PRIM2: variants seen among roughly 807,000 people sequenced by gnomAD.
PRIM2 encodes DNA primase subunit 2.
Under a neutral mutation model 67.3 loss-of-function variants are expected in PRIM2, and 39 were observed. The ratio of observed to expected loss-of-function variants is 0.58; its 90% confidence interval spans 0.45 to 0.76. The LOEUF (loss-of-function observed/expected upper bound fraction) is 0.76. Among genes scored for constraint, PRIM2 ranks in the 30% least tolerant of loss-of-function variants. The probability of loss-of-function intolerance (pLI) is 0.00; values close to 1 mark genes in which losing one functional copy is unlikely to be tolerated. For missense variants in PRIM2, 398 were observed against 598.7 expected (o/e 0.66, Z 3.50); for synonymous variants, 143 against 198.7 (o/e 0.72, Z 2.36).
At chr6:57,280,782 C>G in the PRIM2 span, among the ~76,000 whole-genome samples, 1 of 152,296 alleles carries the variant, frequency 6.6e-6, no homozygotes, top group African/African-American at 2.4e-5. Flanking sequence ...GCTGGGATTA[C>G]AGGCGTGAGC....
intron 7 of PRIM2, among the ~76,000 whole-genome samples, chr6:57,454,946 C>G (rs1772709260): frequency 6.6e-6 from 1 of 152,142 alleles, no homozygotes; most frequent in Non-Finnish European, 1.5e-5. Flanking sequence ...TCCCTCTACA[C>G]AGTGCTTTGA....
At chr6:57,565,937 T>C (rs1775729741) in intron 10 of PRIM2, among the ~76,000 whole-genome samples, 3 of 152,240 alleles carry the variant, frequency 2.0e-5, no homozygotes, top group Admixed American at 6.5e-5. Flanking sequence ...GTTTTGTTTT[T>C]GTTTTTACAT....
At chr6:57,571,878 T>C (rs1775870206) in intron 10 of PRIM2, among the ~76,000 whole-genome samples, 1 of 152,202 alleles carries the variant, frequency 6.6e-6, no homozygotes, top group Non-Finnish European at 1.5e-5. Flanking sequence ...ACCTGAATTG[T>C]TTCAGTCATC....
chr6:57,425,909 G>T (rs1297608815), intron 7 of PRIM2, among the ~76,000 whole-genome samples: 2 of 152,010 alleles, frequency 1.3e-5, no homozygotes, highest in African/African-American at 2.4e-5. Context: ...TCAAATATAG[G>T]CCTGTTTATG....
At chr6:57,420,147 TTAA>T (rs1239818124) in intron 7 of PRIM2, among the ~76,000 whole-genome samples, 1 of 152,184 alleles carries the variant, frequency 6.6e-6, no homozygotes, top group African/African-American at 2.4e-5. Context: ...CCATTTTCTA[TTAA>T]TAATTAGTCC....
intron 10 of PRIM2, among the ~76,000 whole-genome samples, chr6:57,574,811 C>T (rs1775932756): frequency 6.6e-6 from 1 of 150,578 alleles, no homozygotes; most frequent in Non-Finnish European, 1.5e-5. Flanking sequence ...TACAGGGTAT[C>T]GTTTATTCAG....
At chr6:57,224,636 G>GAA in the PRIM2 span, among the ~76,000 whole-genome samples, 4 of 142,332 alleles carry the variant, frequency 2.8e-5, no homozygotes, top group African/African-American at 7.7e-5. Context: ...TTTTTAATGG[G>GAA]AAAAAAAAAA....
chr6:57,631,789 C>T (rs1417991663), intron 12 of PRIM2, among the ~76,000 whole-genome samples: 124 of 152,310 alleles, frequency 8.1e-4, no homozygotes, highest in Admixed American at 7.4e-3. Context: ...CTACAGTTTT[C>T]GGAGAGATGT....
intron 3 of PRIM2, among the ~76,000 whole-genome samples, chr6:57,322,038 A>G (rs1353702028): frequency 6.6e-6 from 1 of 152,206 alleles, no homozygotes; most frequent in Non-Finnish European, 1.5e-5. Flanking sequence ...AGACCAGAAC[A>G]ATGACAGTGG....
At chr6:57,456,120 C>A (rs1772769388) in intron 7 of PRIM2, among the ~76,000 whole-genome samples, 1 of 152,198 alleles carries the variant, frequency 6.6e-6, no homozygotes, top group South Asian at 2.1e-4. Flanking sequence ...GGCCCCCACT[C>A]TCTTTTGGCT....
At chr6:57,529,709 C>T (rs2127467376) in intron 8 of PRIM2, among the ~76,000 whole-genome samples, 1 of 152,006 alleles carries the variant, frequency 6.6e-6, no homozygotes, top group Non-Finnish European at 1.5e-5. Flanking sequence ...TTCTTCAAGC[C>T]CTATAGGTTG....
chr6:57,455,063 C>T (rs1356163394), intron 7 of PRIM2, among the ~76,000 whole-genome samples: 2 of 152,112 alleles, frequency 1.3e-5, no homozygotes, highest in Non-Finnish European at 2.9e-5. Flanking sequence ...CATTCAGGAG[C>T]AGGTTGTTCA....
chr6:57,523,619 A>G (rs1467216897), intron 8 of PRIM2, among the ~76,000 whole-genome samples: 1 of 152,190 alleles, frequency 6.6e-6, no homozygotes, highest in Non-Finnish European at 1.5e-5. Context: ...GCCCTGTGGC[A>G]TTTATGTCAC....
chr6:57,414,315 C>T (rs1771189264), intron 7 of PRIM2, among the ~76,000 whole-genome samples: 2 of 152,062 alleles, frequency 1.3e-5, no homozygotes, highest in African/African-American at 2.4e-5. Context: ...TCTTGGTATC[C>T]CTAATGCTTA....
At chr6:57,253,240 T>A in the PRIM2 span, among the ~76,000 whole-genome samples, 38 of 152,044 alleles carry the variant, frequency 2.5e-4, no homozygotes, top group South Asian at 7.9e-3. Flanking sequence ...CCGGTGTAAT[T>A]AGGGCTAAAG....
intron 10 of PRIM2, among the ~76,000 whole-genome samples, chr6:57,589,423 A>G (rs1776247071): frequency 6.6e-6 from 1 of 151,986 alleles, no homozygotes; most frequent in Admixed American, 6.6e-5. Context: ...GAGGGGGCAG[A>G]TGGTGGAAGA....
At chr6:57,463,650 C>A (rs1307425269) in intron 7 of PRIM2, among the ~76,000 whole-genome samples, 5 of 152,154 alleles carry the variant, frequency 3.3e-5, no homozygotes, top group African/African-American at 1.2e-4. Flanking sequence ...CCTTTTAAAG[C>A]ATCTTCAGAG....
intron 10 of PRIM2, among the ~76,000 whole-genome samples, chr6:57,597,538 G>C (rs1277868429): frequency 2.0e-5 from 3 of 151,932 alleles, no homozygotes; most frequent in African/African-American, 7.3e-5. Context: ...GATGTGACAG[G>C]TACTCTGCTT....
At chr6:57,617,715 C>T (rs1776779896) in intron 12 of PRIM2, among the ~76,000 whole-genome samples, 1 of 152,136 alleles carries the variant, frequency 6.6e-6, no homozygotes, top group Non-Finnish European at 1.5e-5. Flanking sequence ...TTCTTGTCAA[C>T]AACTTCTTAA....
Sources: gnomAD v4.1 joint callset for allele counts (sites outside exome capture counted in the v4.1 genomes callset) on GRCh38, gnomAD v4.1.1 for gene constraint, MANE v1.5 for transcripts, NCBI Gene and HGNC (gene_info 2026-07-23, HGNC 2026-07-21) for gene names.